The following LRBA variants were observed in gnomAD, a reference collection of about 807,000 sequenced individuals.
LRBA encodes lipopolysaccharide-responsive and beige-like anchor protein.
A neutral mutation model predicts 330.0 loss-of-function variants in LRBA; 176 were observed. The ratio of observed to expected loss-of-function variants is 0.53; its 90% CI spans 0.47 to 0.60. The LOEUF (loss-of-function observed/expected upper bound fraction) is 0.60. Ranked by LOEUF, LRBA falls within the 20% of genes least tolerant of loss-of-function variation. The pLI is 0.00. For synonymous variants in LRBA, 1,230 were observed against 1,193.0 expected (o/e 1.03, Z -0.64); for missense variants, 3,259 against 3,444.8 (o/e 0.95, Z 1.35).
intron 40 of LRBA, among the ~76,000 whole-genome samples, chr4:150,577,737 A>T (rs1477683661): frequency 6.6e-6 from 1 of 152,178 alleles, no homozygotes; most frequent in Non-Finnish European, 1.5e-5. Context: ...AAAATAATAG[A>T]TACCTTTTAA....
chr4:150,805,552 A>AAAGGAAGGGAG (rs1323612727), intron 33 of LRBA, among the ~76,000 whole-genome samples: 1 of 31,334 alleles, frequency 3.2e-5, no homozygotes, highest in Non-Finnish European at 6.9e-5. Flanking sequence ...GAAGGAAAGG[A>AAAGGAAGGGAG]AAGGAAAGGA....
intron 35 of LRBA, among the ~76,000 whole-genome samples, chr4:150,739,016 C>T (rs535202339): frequency 1.3e-5 from 2 of 152,100 alleles, no homozygotes; most frequent in African/African-American, 4.8e-5. Context: ...GTAAGTGACA[C>T]AATTTCAATA....
intron 44 of LRBA, among the ~76,000 whole-genome samples, chr4:150,466,404 G>C (rs1292492230): frequency 2.0e-5 from 3 of 152,100 alleles, no homozygotes; most frequent in Admixed American, 1.3e-4. Flanking sequence ...CTGAGACTGT[G>C]AATCACTGAG....
At chr4:150,766,033 G>A (rs1454248242) in intron 34 of LRBA, among the ~76,000 whole-genome samples, 1 of 151,950 alleles carries the variant, frequency 6.6e-6, no homozygotes, top group Non-Finnish European at 1.5e-5. Context: ...GAAGTTCAGT[G>A]TTTTATGGAG....
Position 150,648,158 on chromosome 4 carries a change from C to CAAAAAAAAAAAAAAAAAAAAAAA in LRBA, c.5921+35392_5921+35393insTTTTTTTTTTTTTTTTTTTTTTT. Reference sequence around the variant, plus strand: ...TCAGAAGAGAAAGGAACACAAGTAGCAAAAAAAAAAAAAAAAAAACTAGAA... The same window carrying CAAAAAAAAAAAAAAAAAAAAAAA: ...TCAGAAGAGAAAGGAACACAAGTAGCAAAAAAAAAAAAAAAAAAAAAAAAAAAAAAAAAAAAAAAAAACTAGAA... On this transcript the variant is annotated intron_variant, in intron 37 of 56. Coordinates refer to ENST00000651943, the MANE Select transcript of LRBA (RefSeq NM_001364905.1). Among the ~76,000 whole-genome samples, 39 of 18,076 alleles carry CAAAAAAAAAAAAAAAAAAAAAAA rather than the reference C, an allele frequency of 2.2e-3. 6 individuals are homozygous for CAAAAAAAAAAAAAAAAAAAAAAA. The highest frequency in any genetic ancestry group is 4.2e-3 in the Non-Finnish European group (24 of 5,680). 11.9% of individuals were successfully genotyped at this position (18,076 alleles called of 152,430 possible).
chr4:150,935,750 TTAAAA>T (rs1221318959), intron 2 of LRBA, among the ~76,000 whole-genome samples: 1 of 151,892 alleles, frequency 6.6e-6, no homozygotes, highest in African/African-American at 2.4e-5. Context: ...AATAATCTAA[TTAAAA>T]TAAAAGGTTG....
chr4:150,989,319 T>C (rs1330204876), intron 2 of LRBA, among the ~76,000 whole-genome samples: 3 of 151,984 alleles, frequency 2.0e-5, no homozygotes, highest in African/African-American at 7.2e-5. Context: ...TGTTTTAATA[T>C]ATAAGAACTC....
At chr4:150,763,271 A>G (rs1298825155) in intron 34 of LRBA, among the ~76,000 whole-genome samples, 2 of 152,022 alleles carry the variant, frequency 1.3e-5, no homozygotes, top group Admixed American at 1.3e-4. Flanking sequence ...AACAGAATAT[A>G]TCCTTAGGCA....
intron 17 of LRBA, among the ~76,000 whole-genome samples, chr4:150,873,304 G>A (rs1190790565): frequency 6.6e-6 from 1 of 152,120 alleles, no homozygotes; most frequent in Non-Finnish European, 1.5e-5. Flanking sequence ...AAAGATCTAT[G>A]AGGCAGCTGG....
At chr4:150,967,395 T>C (rs1739024592) in intron 2 of LRBA, among the ~76,000 whole-genome samples, 1 of 152,268 alleles carries the variant, frequency 6.6e-6, no homozygotes, top group African/African-American at 2.4e-5. Context: ...TTTAATATTC[T>C]ACTCCCTTGC....
rs115450596 is a variant in LRBA at position 151,012,103 on chromosome 4, C to T, written c.216+2324G>A. Reference sequence around the variant, plus strand: ...CAGCAACTTTTCCTGCCCTACCTGACAAGCGAATGATATTGAAGAGGAGGG... The same window carrying T: ...CAGCAACTTTTCCTGCCCTACCTGATAAGCGAATGATATTGAAGAGGAGGG... On this transcript the variant is annotated intron_variant, in intron 2 of 56. Coordinates refer to ENST00000651943, the MANE Select transcript of LRBA (RefSeq NM_001364905.1). 1.2e-3 allele frequency among the ~76,000 whole-genome samples: 185 copies of T among 152,280 alleles called. 3 individuals carry two copies. The highest frequency in any genetic ancestry group is 4.3e-3 in the African/African-American group (179 of 41,560).
intron 44 of LRBA, among the ~76,000 whole-genome samples, chr4:150,437,381 G>A (rs952691630): frequency 6.6e-6 from 1 of 151,508 alleles, no homozygotes; most frequent in Non-Finnish European, 1.5e-5. Context: ...TTCTACTAGT[G>A]TGAGTGAAAA....
rs751952359 is a variant in LRBA at position 150,415,534 on chromosome 4, A to G, written c.7098T>C (p.Tyr2366=). ...TCCCATCATCCATCACTCCAAGATT[A>G]TAATTATTGAAGTTGACAAACATCT... ...LPEMFVNFNN[Y]NLGVMDDGTV... is the part of the protein sequence containing the mutation. The change falls in exon 47 of 57, where the codon TAT becomes TAC. Residue 2366 remains tyrosine, a synonymous_variant. Transcript: ENST00000651943. The G allele has an allele frequency of 3.1e-5, 50 of 1,601,962 alleles. No homozygotes were observed. The South Asian group carries it at 5.2e-4, about 17-fold the overall frequency.
At chr4:150,761,090 A>G (rs1471433220) in intron 35 of LRBA, among the ~76,000 whole-genome samples, 1 of 152,136 alleles carries the variant, frequency 6.6e-6, no homozygotes, top group Non-Finnish European at 1.5e-5. Flanking sequence ...AGTCAGTCAC[A>G]TCTTTTAATC....
At chr4:151,002,376 G>A (rs908167875) in intron 2 of LRBA, among the ~76,000 whole-genome samples, 2 of 151,526 alleles carry the variant, frequency 1.3e-5, no homozygotes, top group Non-Finnish European at 2.9e-5. Flanking sequence ...AGACCAGACC[G>A]GCCAAAATGA....
chr4:150,953,721 C>A (rs903557932), intron 2 of LRBA, among the ~76,000 whole-genome samples: 1 of 151,734 alleles, frequency 6.6e-6, no homozygotes, highest in African/African-American at 2.4e-5. Context: ...ACAACCTCCA[C>A]CTCCCAGCCG....
At chr4:150,581,123 G>T in intron 40 of LRBA, 1 of 186,066 alleles carries the variant, frequency 5.4e-6, no homozygotes, top group Non-Finnish European at 1.1e-5. Context: ...ATGTAAGTTT[G>T]CACCATTTCT....
intron 2 of LRBA, among the ~76,000 whole-genome samples, chr4:150,972,935 G>A (rs552954890): frequency 3.9e-4 from 59 of 152,200 alleles, no homozygotes; most frequent in African/African-American, 1.3e-3. Context: ...TTCTTACAGT[G>A]TTAGAAGAAA....
At chr4:150,888,089 C>A (rs1729134604) in intron 17 of LRBA, among the ~76,000 whole-genome samples, 1 of 151,836 alleles carries the variant, frequency 6.6e-6, no homozygotes. Context: ...CATTGGAAAC[C>A]ATGGACACCA....
Sources: allele counts gnomAD v4.1 joint callset (sites outside exome capture counted in the v4.1 genomes callset), GRCh38; gene constraint gnomAD v4.1.1; transcripts MANE v1.5; gene names NCBI Gene and HGNC (gene_info 2026-07-23, HGNC 2026-07-21).